SMYD3: variants seen among roughly 807,000 people sequenced by gnomAD.
SMYD3 encodes SET and MYND domain containing 3, also known as histone-lysine N-methyltransferase SMYD3.
In SMYD3, 36 loss-of-function variants were observed where a neutral mutation model predicts 57.7. The observed-to-expected ratio is 0.62, with a 90% CI of 0.48 to 0.82. The LOEUF is 0.82. Ranked by LOEUF, SMYD3 falls within the 40% of genes least tolerant of loss-of-function variation. The pLI is 0.00. For synonymous variants in SMYD3, 211 were observed against 195.0 expected, an observed-to-expected ratio of 1.08 and a Z score of -0.68; for missense variants, 515 against 538.8, an observed-to-expected ratio of 0.96 and a Z score of 0.44.
chr1:246,099,467 A>C (rs557837654), intron 5 of SMYD3, among the ~76,000 whole-genome samples: 25 of 152,322 alleles, frequency 1.6e-4, no homozygotes, highest in African/African-American at 6.0e-4. Context: ...CTTCAAACCC[A>C]AAAAGGTGCA....
intron 1 of SMYD3, among the ~76,000 whole-genome samples, chr1:246,443,936 A>C (rs1371788028): frequency 6.6e-6 from 1 of 151,486 alleles, no homozygotes; most frequent in Non-Finnish European, 1.5e-5. Flanking sequence ...AAAAGTGCTA[A>C]TCTGCCTTCC....
chr1:245,968,449 T>C (rs530506793), intron 5 of SMYD3, among the ~76,000 whole-genome samples: 1 of 152,126 alleles, frequency 6.6e-6, no homozygotes, highest in East Asian at 1.9e-4. Flanking sequence ...GCCTCCTATA[T>C]TAAAACAATA....
At chr1:246,496,171 G>A (rs989562305) in intron 1 of SMYD3, among the ~76,000 whole-genome samples, 1 of 151,602 alleles carries the variant, frequency 6.6e-6, no homozygotes, top group Non-Finnish European at 1.5e-5. Context: ...CAAGTGGTTG[G>A]GATTACAGGC....
chr1:246,151,803 G>A (rs2061944810), intron 5 of SMYD3, among the ~76,000 whole-genome samples: 1 of 152,192 alleles, frequency 6.6e-6, no homozygotes, highest in African/African-American at 2.4e-5. Flanking sequence ...GGCGTATGTA[G>A]GCCTGTCTGG....
At chr1:245,933,423 T>C (rs2056833219) in intron 5 of SMYD3, among the ~76,000 whole-genome samples, 1 of 152,220 alleles carries the variant, frequency 6.6e-6, no homozygotes, top group Non-Finnish European at 1.5e-5. Context: ...TATTATTGAA[T>C]GCAAAGTTAT....
At chr1:245,852,718 G>A (rs1411370589) in intron 10 of SMYD3, among the ~76,000 whole-genome samples, 2 of 151,820 alleles carry the variant, frequency 1.3e-5, no homozygotes, top group South Asian at 4.2e-4. Flanking sequence ...TGGATTTTAT[G>A]TCTAGATTCT....
intron 10 of SMYD3, among the ~76,000 whole-genome samples, chr1:245,812,545 G>C (rs1007968627): frequency 6.6e-6 from 1 of 152,090 alleles, no homozygotes; most frequent in Non-Finnish European, 1.5e-5. Context: ...AGGGCTGCCC[G>C]AGGAAACCCT....
rs887910866 is a variant in SMYD3 at position 245,782,181 on chromosome 1, G to A, written c.1077-18032C>T. Among the ~76,000 whole-genome samples, 26 of 152,204 alleles carry A rather than the reference G, an allele frequency of 1.7e-4. No homozygotes were observed. The South Asian group carries it at 5.2e-3, about 30-fold the overall frequency. ...TATATGCATTTCCTATGCTTAATTA[G>A]AGAATCAAATCCCTACTTAGAGGTC... is the stretch of plus-strand genomic sequence containing the variant. On this transcript the variant is annotated intron_variant, in intron 10 of 11. Coordinates refer to ENST00000490107, the MANE Select transcript of SMYD3 (RefSeq NM_001167740.2).
At chr1:246,125,115 T>C (rs2061491542) in intron 5 of SMYD3, among the ~76,000 whole-genome samples, 1 of 141,490 alleles carries the variant, frequency 7.1e-6, no homozygotes, top group Non-Finnish European at 1.5e-5. Context: ...CATCTGGAAT[T>C]TCCCTTATGG....
chr1:245,928,876 A>G (rs1023846627), intron 6 of SMYD3, among the ~76,000 whole-genome samples: 31 of 152,214 alleles, frequency 2.0e-4, no homozygotes, highest in African/African-American at 7.5e-4. Context: ...ATCCTGGGCC[A>G]TGGTCCAGTC....
chr1:246,266,894 T>TA (rs146236938), intron 5 of SMYD3, among the ~76,000 whole-genome samples: 6,501 of 148,746 alleles, frequency 0.044, 465 homozygotes, highest in African/African-American at 0.15. Context: ...TGATCCCAAG[T>TA]AAAAAAAAAA....
At chr1:245,840,188 A>C (rs1256274658) in intron 10 of SMYD3, among the ~76,000 whole-genome samples, 1 of 152,214 alleles carries the variant, frequency 6.6e-6, no homozygotes, top group East Asian at 1.9e-4. Flanking sequence ...GAAGACAAGA[A>C]TGTTTAAAAT....
chr1:246,088,539 G>A (rs1170052753), intron 5 of SMYD3, among the ~76,000 whole-genome samples: 3 of 138,388 alleles, frequency 2.2e-5, no homozygotes, highest in Non-Finnish European at 4.5e-5. Context: ...GAACCCAGGA[G>A]GCGGAGCTTG....
At chr1:246,233,890 C>G (rs1388247736) in intron 5 of SMYD3, among the ~76,000 whole-genome samples, 3 of 124,782 alleles carry the variant, frequency 2.4e-5, no homozygotes, top group African/African-American at 9.1e-5. Context: ...TCAATTCACA[C>G]TGTGATGAAC....
At chr1:246,362,852 T>A (rs2066020044) in intron 1 of SMYD3, among the ~76,000 whole-genome samples, 1 of 151,766 alleles carries the variant, frequency 6.6e-6, no homozygotes, top group Non-Finnish European at 1.5e-5. Context: ...CCTCCCAAAG[T>A]GCCGAGATTG....
intron 5 of SMYD3, among the ~76,000 whole-genome samples, chr1:245,956,976 A>G (rs1208365703): frequency 6.6e-6 from 1 of 152,212 alleles, no homozygotes; most frequent in African/African-American, 2.4e-5. Context: ...TCAACATCTT[A>G]TTAAACTAAT....
intron 5 of SMYD3, among the ~76,000 whole-genome samples, chr1:246,280,841 A>C (rs1294094839): frequency 6.6e-6 from 1 of 152,234 alleles, no homozygotes; most frequent in Non-Finnish European, 1.5e-5. Flanking sequence ...AGTTCAACCT[A>C]TATTTGATCA....
intron 5 of SMYD3, among the ~76,000 whole-genome samples, chr1:246,241,077 C>T (rs1161059850): frequency 1.0e-5 from 1 of 96,934 alleles, no homozygotes; most frequent in African/African-American, 3.7e-5. Flanking sequence ...ACTGAATACC[C>T]TTTCTTTCTT....
chr1:246,230,863 A>G (rs2063398788), intron 5 of SMYD3, among the ~76,000 whole-genome samples: 1 of 152,208 alleles, frequency 6.6e-6, no homozygotes, highest in Non-Finnish European at 1.5e-5. Flanking sequence ...AAGTAGTCAA[A>G]TGTGGCTACT....
Sources: allele counts gnomAD v4.1 joint callset (sites outside exome capture counted in the v4.1 genomes callset), GRCh38; gene constraint gnomAD v4.1.1; transcripts MANE v1.5; gene names NCBI Gene and HGNC (gene_info 2026-07-23, HGNC 2026-07-21).